The following CFAP77 variants were observed in gnomAD, a reference collection of about 807,000 sequenced individuals.
CFAP77 encodes the protein cilia- and flagella-associated protein 77.
In CFAP77, 25 loss-of-function variants were observed where a neutral mutation model predicts 31.1. The ratio of observed to expected loss-of-function variants is 0.80; its 90% CI spans 0.59 to 1.12. CFAP77 has a LOEUF of 1.12. CFAP77 is among the 50% of genes most tolerant of loss of function. The pLI is 0.00. For missense variants in CFAP77, 377 were observed against 397.3 expected (o/e 0.95, Z 0.44); for synonymous variants, 151 against 159.9 (o/e 0.94, Z 0.42).
intron 1 of CFAP77, among the ~76,000 whole-genome samples, chr9:132,446,417 C>G (rs1229816005): frequency 6.6e-6 from 1 of 151,912 alleles, no homozygotes; most frequent in Non-Finnish European, 1.5e-5. Context: ...CTTCACTCTT[C>G]ACCTAACTAC....
At chr9:132,412,773 G>T (rs960167885) in intron 1 of CFAP77, among the ~76,000 whole-genome samples, 5 of 152,060 alleles carry the variant, frequency 3.3e-5, no homozygotes, top group African/African-American at 1.2e-4. Flanking sequence ...CAACTTTGGT[G>T]TTTTTGACTA....
At chr9:132,469,931 G>A (rs187991171) in intron 1 of CFAP77, among the ~76,000 whole-genome samples, 61 of 149,146 alleles carry the variant, frequency 4.1e-4, no homozygotes, top group African/African-American at 1.3e-3. Context: ...CCTCCGCCTC[G>A]TGGGTTCAAG....
chr9:132,523,659 C>G (rs1303961624), intron 3 of CFAP77, among the ~76,000 whole-genome samples: 2 of 152,248 alleles, frequency 1.3e-5, no homozygotes, highest in Non-Finnish European at 2.9e-5. Context: ...CACACCTGCT[C>G]TAAGGGTTGA....
Position 132,472,445 on chromosome 9 carries a change from G to A in CFAP77, c.196-26250G>A, listed in dbSNP as rs111388395. On this transcript the variant is annotated intron_variant, in intron 1 of 5. Transcript: ENST00000393216. ...GATAAGTGTGCTCATGATGTAGGCA[G>A]GTGTGAACACAAACATAACCACCAT... is the stretch of plus-strand genomic sequence containing the variant. Among the ~76,000 whole-genome samples, 940 of 152,294 alleles carry A rather than the reference G, an allele frequency of 6.2e-3. 6 individuals are homozygous for A. Among genetic ancestry groups the A allele is most frequent in the Middle Eastern group, 0.02 (6 of 294 alleles).
intron 3 of CFAP77, among the ~76,000 whole-genome samples, chr9:132,500,734 C>T (rs1464946448): frequency 6.6e-6 from 1 of 152,226 alleles, no homozygotes; most frequent in East Asian, 1.9e-4. Flanking sequence ...GCCCCACTGT[C>T]ACCACAGTTT....
intron 1 of CFAP77, among the ~76,000 whole-genome samples, chr9:132,426,298 A>AT (rs933122296): frequency 3.3e-5 from 5 of 152,206 alleles, no homozygotes. Context: ...GAGCAACATC[A>AT]TTTTTGGACA....
At chr9:132,436,688 C>A (rs1850510413) in intron 1 of CFAP77, among the ~76,000 whole-genome samples, 1 of 152,166 alleles carries the variant, frequency 6.6e-6, no homozygotes, top group Admixed American at 6.5e-5. Flanking sequence ...GCCATTCCAC[C>A]ATTCCACATT....
At chr9:132,529,306 A>G (rs951647415) in intron 3 of CFAP77, among the ~76,000 whole-genome samples, 1 of 123,346 alleles carries the variant, frequency 8.1e-6, no homozygotes, top group Non-Finnish European at 1.7e-5. Context: ...GAATTGAACA[A>G]TGAGATCACA....
rs189136969 is a variant in CFAP77, at chr9:132,517,963, C to T, written c.524+18363C>T. On this transcript the variant is annotated intron_variant, in intron 3 of 5. Coordinates refer to ENST00000393216, the MANE Select transcript of CFAP77 (RefSeq NM_001282957.2). This position sits in a 1 kb window ranked among gnomAD's most constrained non-coding sequence, Gnocchi z 4.7. The stretch of plus-strand genomic sequence containing the variant: ...TGATTTCATTTCATTCCCCCTTTTT[C>T]GCTTTATGGGACTGAGTTTTGACCC... 1.2e-3 allele frequency among the ~76,000 whole-genome samples: 181 copies of T among 152,156 alleles called. 1 individual carries two copies. Among genetic ancestry groups the T allele is most frequent in the African/African-American group, 4.2e-3 (173 of 41,534 alleles).
chr9:132,498,785 G>A lies in CFAP77; in HGVS notation c.286G>A (p.Val96Ile), dbSNP rs781291713. ...GLYIRGLDGGVPEAIGRWNVF... is the reference protein window; with the variant it reads ...GLYIRGLDGGIPEAIGRWNVF... Reference sequence around the variant, plus strand: ...CTACATCCGAGGGCTTGACGGAGGAGTCCCTGAAGGTGAGCGAGCAGCTTT... The same window carrying A: ...CTACATCCGAGGGCTTGACGGAGGAATCCCTGAAGGTGAGCGAGCAGCTTT... The change falls in exon 2 of 6, where the codon GTC becomes ATC. Residue 96 changes from valine to isoleucine, a missense_variant. Coordinates refer to ENST00000393216, the MANE Select transcript of CFAP77 (RefSeq NM_001282957.2). The surrounding 1 kb of genome is among the most constrained non-coding windows in gnomAD (Gnocchi z 4.2). 1.1e-5 allele frequency: 17 copies of A among 1,607,190 alleles called. No homozygotes were observed. The highest frequency in any genetic ancestry group is 3.4e-5 in the Admixed American group (2 of 59,292).
Position 132,534,651 on chromosome 9 carries a change from A to G in CFAP77, c.525-2950A>G, listed in dbSNP as rs79319592. ...AAAAAAGAACTTTCCCTTATCGCCT[A>G]TTTGATTACCCCAGGATGCAGTTTG... On this transcript the variant is annotated intron_variant, in intron 3 of 5. Coordinates refer to ENST00000393216, the MANE Select transcript of CFAP77 (RefSeq NM_001282957.2). Among the ~76,000 whole-genome samples the G allele has an allele frequency of 9.6e-3, 1,436 of 149,288 alleles. 22 individuals are homozygous for G. The highest frequency in any genetic ancestry group is 0.033 in the African/African-American group (1,348 of 40,584).
At position 132,489,597 on chromosome 9, in the gene CFAP77, G is replaced by A. The variant is rs192349937; in HGVS notation, c.196-9098G>A. On this transcript the variant is annotated intron_variant, in intron 1 of 5. Coordinates refer to ENST00000393216, the MANE Select transcript of CFAP77 (RefSeq NM_001282957.2). ...CCTGTGTGCCCTGCACGGAGGAGGT[G>A]CAACACAAATGTTGATCCTGTTCCT... 3.1e-4 allele frequency among the ~76,000 whole-genome samples: 47 copies of A among 152,312 alleles called. No individual in the cohort carries two copies. In the East Asian group the frequency reaches 4.1e-3, roughly 13 times the overall value.
intron 1 of CFAP77, among the ~76,000 whole-genome samples, chr9:132,487,133 C>T (rs1176188680): frequency 6.6e-6 from 1 of 152,232 alleles, no homozygotes; most frequent in Non-Finnish European, 1.5e-5. Flanking sequence ...AATAAGACAG[C>T]AGTAATAGAA....
chr9:132,415,682 A>G (rs1285278267), intron 1 of CFAP77, among the ~76,000 whole-genome samples: 1 of 152,178 alleles, frequency 6.6e-6, no homozygotes, highest in Non-Finnish European at 1.5e-5. Context: ...CTTCCAGAGC[A>G]TTCCAGGCTC....
intron 3 of CFAP77, among the ~76,000 whole-genome samples, chr9:132,535,286 G>A (rs2119049914): frequency 6.6e-6 from 1 of 152,214 alleles, no homozygotes; most frequent in Middle Eastern, 3.4e-3. Flanking sequence ...ATCCTGGAAT[G>A]TATACATAAT....
chr9:132,562,375 C>T (rs1829827047), intron 5 of CFAP77, among the ~76,000 whole-genome samples: 1 of 152,250 alleles, frequency 6.6e-6, no homozygotes, highest in Admixed American at 6.5e-5. Flanking sequence ...CAGAGCCTGG[C>T]GTGACCTCTG....
At chr9:132,502,277 T>TGC (rs1851860409) in intron 3 of CFAP77, among the ~76,000 whole-genome samples, 29 of 123,436 alleles carry the variant, frequency 2.3e-4, no homozygotes, top group African/African-American at 7.4e-4. Flanking sequence ...TTTTTTTTTT[T>TGC]GGGGGAGGGG....
At chr9:132,438,541 A>ATTTTTTTTTTT (rs10641294) in intron 1 of CFAP77, among the ~76,000 whole-genome samples, 1 of 108,148 alleles carries the variant, frequency 9.2e-6, no homozygotes, top group African/African-American at 4.1e-5. Context: ...ATATATATAT[A>ATTTTTTTTTTT]TTTTTTTTTT....
intron 4 of CFAP77, among the ~76,000 whole-genome samples, chr9:132,542,460 C>T (rs1036660459): frequency 6.6e-6 from 1 of 152,202 alleles, no homozygotes; most frequent in South Asian, 2.1e-4. Context: ...GCAGAGACAC[C>T]GTGGTGGGAG....
Sources: gnomAD v4.1 joint callset for allele counts (sites outside exome capture counted in the v4.1 genomes callset) on GRCh38, gnomAD v4.1.1 for gene constraint, Gnocchi (gnomAD v3.1) non-coding constraint, MANE v1.5 for transcripts, NCBI Gene and HGNC (gene_info 2026-07-23, HGNC 2026-07-21) for gene names.